Variants in NUDT10 observed in about 807,000 individuals in gnomAD.
NUDT10 encodes nudix hydrolase 10, also known as diphosphoinositol polyphosphate phosphohydrolase 3-alpha.
In NUDT10, 2 loss-of-function variants were observed where a neutral mutation model predicts 10.5. That is an observed-to-expected ratio of 0.19 (90% CI 0.08 to 0.60). NUDT10 has a LOEUF of 0.60. Among genes scored for constraint, NUDT10 ranks in the 20% least tolerant of loss-of-function variants. The probability of loss-of-function intolerance (pLI) is 0.89; values close to 1 mark genes in which losing one functional copy is unlikely to be tolerated. For missense variants in NUDT10, 75 were observed against 149.5 expected, an observed-to-expected ratio of 0.50 and a Z score of 2.60; for synonymous variants, 53 against 71.8, an observed-to-expected ratio of 0.74 and a Z score of 1.32.
upstream of NUDT10, among the ~76,000 whole-genome samples, chrX:51,332,525 GC>G (rs1922686603): frequency 8.9e-6 from 1 of 112,958 alleles, no homozygotes; most frequent in Non-Finnish European, 1.9e-5. Flanking sequence ...GGAGACCCCC[GC>G]CCCTGGCCCC....
chrX:51,333,392 C>G lies in NUDT10; in HGVS notation c.427C>G (p.Leu143Val). The change falls in exon 1 of 2, where the codon CTA (leucine) becomes GTA (valine). Residue 143 changes from leucine (L) to valine (V), a missense_variant. Physicochemically the swap from Leu to Val is conservative, Grantham distance 32. Coordinates refer to ENST00000356450, the MANE Select transcript of NUDT10 (RefSeq NM_001304963.2). ...CGTGCACGCCGAATATCTGGAGAAA[C>G]TAAAGCTGGGCGGTTCCCCAACCAA... Reference protein sequence around the residue: ...KPVHAEYLEKLKLGGSPTNGN... With the variant: ...KPVHAEYLEKVKLGGSPTNGN... 1 of 1,208,640 alleles carries G rather than the reference C, an allele frequency of 8.3e-7. No homozygotes were observed. Among genetic ancestry groups the G allele is most frequent in the Non-Finnish European group, 1.1e-6 (1 of 893,332 alleles).
At position 51,336,307 on chromosome X, in the gene NUDT10, A is replaced by G; in HGVS notation, c.*68A>G. 3 of 549,167 alleles carry G rather than the reference A, an allele frequency of 5.5e-6. No homozygotes were observed. The highest frequency in any genetic ancestry group is 1.0e-5 in the Non-Finnish European group (3 of 299,176). The allele number at this position is 549,167 out of a possible 1,213,427, so 45.3% of individuals were successfully genotyped here. On this transcript the variant is annotated 3_prime_UTR_variant, in exon 2 of 2. Coordinates refer to ENST00000356450, the MANE Select transcript of NUDT10 (RefSeq NM_001304963.2). ...AGTATGTGAATGGATGGATGAATGG[A>G]ATTGTGAAGCACAGATGAGCTCTTT...
At chrX:51,332,723 G>C, upstream of NUDT10, 1 of 408,530 alleles carries the variant, frequency 2.4e-6, no homozygotes, top group Non-Finnish European at 4.0e-6. Context: ...GCCGCCCATC[G>C]GACTGGCGGA....
chrX:51,333,541 A>C (rs1291902572), intron 1 of NUDT10, 82 bp downstream of exon 1: 9 of 1,132,709 alleles, frequency 7.9e-6, no homozygotes, highest in Non-Finnish European at 1.1e-5. Context: ...CTCTCGTACC[A>C]TGTGCGGTCT....
rs192332025 is a variant in NUDT10, at chrX:51,334,004, C to A, written c.494+545C>A. Among the ~76,000 whole-genome samples, 152 of 110,738 alleles carry A rather than the reference C, an allele frequency of 1.4e-3. 1 individual carries two copies. Among genetic ancestry groups the A allele is most frequent in the Non-Finnish European group, 2.2e-3 (118 of 52,923 alleles). Reference sequence around the variant, plus strand: ...GCGTTCGCCCTTGTTGTCAGGGAGGCCTTCTGTGGTGGGAGTTGGTTTAAA... The same window carrying A: ...GCGTTCGCCCTTGTTGTCAGGGAGGACTTCTGTGGTGGGAGTTGGTTTAAA... On this transcript the variant is annotated intron_variant, in intron 1 of 1. Coordinates refer to ENST00000356450, the MANE Select transcript of NUDT10 (RefSeq NM_001304963.2).
chrX:51,332,688 A>C, upstream of NUDT10: 1 of 360,168 alleles, frequency 2.8e-6, no homozygotes, highest in East Asian at 4.8e-5. Flanking sequence ...CGCCTCCTCC[A>C]CTCCGGCGGG....
chrX:51,335,404 C>T (rs1482765278), intron 1 of NUDT10, among the ~76,000 whole-genome samples: 3 of 109,915 alleles, frequency 2.7e-5, no homozygotes, highest in Non-Finnish European at 5.7e-5. Flanking sequence ...AATTTGAAGA[C>T]GACATGTTGG....
Position 51,333,095 on chromosome X carries a change from C to T in NUDT10, c.130C>T (p.Arg44Cys), listed in dbSNP as rs1922725248. The T allele has an allele frequency of 4.1e-6, 5 of 1,207,753 alleles. No homozygotes were observed. The highest frequency in any genetic ancestry group is 5.6e-6 in the Non-Finnish European group (5 of 894,203). The change falls in exon 1 of 2, where the codon CGC becomes TGC. Residue 44 changes from arginine (R) to cysteine (C), a missense_variant. Transcript: ENST00000356450. ...LLVSSSRYPDRWIVPGGGMEP... is the reference protein window; with the variant it reads ...LLVSSSRYPDCWIVPGGGMEP... ...AGTGAGTAGCAGCCGGTACCCGGAC[C>T]GCTGGATCGTGCCGGGCGGGGGCAT... is the stretch of plus-strand genomic sequence containing the variant.
chrX:51,334,553 A>G lies in NUDT10; in HGVS notation c.494+1094A>G, dbSNP rs782351465. Among the ~76,000 whole-genome samples, 3 of 112,322 alleles carry G rather than the reference A, an allele frequency of 2.7e-5. No homozygotes were observed. In the East Asian group the frequency reaches 8.5e-4, roughly 32 times the overall value. On this transcript the variant is annotated intron_variant, in intron 1 of 1. Transcript: ENST00000356450. ...ATGTTCAGCTGGTACAGAATTGTCA[A>G]ACTATTAGGATTCCTGAACAATCTC...
rs1402557592 is a variant in NUDT10, at chrX:51,336,535, C to CT, written c.*302dup. The CT allele has an allele frequency of 4.5e-6, 1 of 222,076 alleles. No homozygotes were observed. Among genetic ancestry groups the CT allele is most frequent in the Non-Finnish European group, 8.0e-6 (1 of 125,142 alleles). The allele number at this position is 222,076 out of a possible 1,213,427, so 18.3% of individuals were successfully genotyped here. On this transcript the variant is annotated 3_prime_UTR_variant, in exon 2 of 2. Coordinates refer to ENST00000356450, the MANE Select transcript of NUDT10 (RefSeq NM_001304963.2). ...AATGCCAGGAACTTGTTTCCTTAGTCTTTTTTATATATCTAGCATATAAGA... is the reference window on the plus strand; with the variant it reads ...AATGCCAGGAACTTGTTTCCTTAGTCTTTTTTTATATATCTAGCATATAAGA...
upstream of NUDT10, among the ~76,000 whole-genome samples, chrX:51,332,648 T>C (rs1291150787): frequency 1.8e-5 from 2 of 112,950 alleles, no homozygotes; most frequent in African/African-American, 6.4e-5. Context: ...GGGTGGGCTC[T>C]GTGGAGAGTC....
chrX:51,332,353 T>C (rs1602069924), upstream of NUDT10: 1 of 113,151 alleles, frequency 8.8e-6, no homozygotes, highest in East Asian at 2.8e-4. Flanking sequence ...AGGAGAAACG[T>C]CCTGCCGTGC....
upstream of NUDT10, chrX:51,332,805 T>A: frequency 1.2e-6 from 1 of 843,165 alleles, no homozygotes; most frequent in Non-Finnish European, 1.6e-6. Flanking sequence ...CTCCCTCCGC[T>A]CCCCGGGCTC....
intron 1 of NUDT10, among the ~76,000 whole-genome samples, chrX:51,335,790 A>G (rs1557312690): frequency 8.9e-6 from 1 of 112,261 alleles, no homozygotes; most frequent in East Asian, 2.8e-4. Context: ...ACAGCTGGCC[A>G]GAGTTTTATT....
At chrX:51,336,183 G>C in intron 1 of NUDT10, 56 bp from the exon 2 acceptor site, 1 of 548,157 alleles carries the variant, frequency 1.8e-6, no homozygotes, top group Non-Finnish European at 3.3e-6. Context: ...AGTATTTGTT[G>C]ATTAGAGGAA....
At chrX:51,332,707 C>T (rs1440512859), upstream of NUDT10, 2 of 386,775 alleles carry the variant, frequency 5.2e-6, no homozygotes, top group East Asian at 4.5e-5. Flanking sequence ...GGCCCGGGTT[C>T]GGCCGGCCGC....
chrX:51,336,125 G>C (rs1345582021), intron 1 of NUDT10, 114 bp from the exon 2 acceptor site: 18 of 456,778 alleles, frequency 3.9e-5, no homozygotes, highest in Admixed American at 1.0e-4. Context: ...ATTCACTGAA[G>C]GCTTTTCCAA....
rs1922863850 is a variant in NUDT10 at position 51,337,167 on chromosome X, A to C, written c.*928A>C. The stretch of plus-strand genomic sequence containing the variant: ...TTAAGAGACATATTAACCAATTGTT[A>C]ATTGGATCTTATTTGAATTGTGATT... On this transcript the variant is annotated 3_prime_UTR_variant, in exon 2 of 2. Coordinates refer to ENST00000356450, the MANE Select transcript of NUDT10 (RefSeq NM_001304963.2). 8.9e-6 allele frequency: 1 copy of C among 112,193 alleles called. No individual in the cohort carries two copies. Among genetic ancestry groups the C allele is most frequent in the African/African-American group, 3.2e-5 (1 of 30,889 alleles). 9.2% of individuals were successfully genotyped at this position (112,193 alleles called of 1,213,427 possible). A position where few individuals can be genotyped will look rare whatever the true frequency, so the allele number is the denominator to read the frequency against.
chrX:51,332,934 G>A lies in NUDT10; in HGVS notation c.-32G>A, dbSNP rs1252696606. 1.4e-5 allele frequency: 17 copies of A among 1,207,451 alleles called. No homozygotes were observed. Among genetic ancestry groups the A allele is most frequent in the Non-Finnish European group, 1.9e-5 (17 of 892,930 alleles). On this transcript the variant is annotated 5_prime_UTR_variant, in exon 1 of 2. Transcript: ENST00000356450. ...AGCAGCTGCGTCGGCGGCCCACACAGCAGCGAGAGGCGAGAGGAGGCTGCC... is the reference window on the plus strand; with the variant it reads ...AGCAGCTGCGTCGGCGGCCCACACAACAGCGAGAGGCGAGAGGAGGCTGCC...
Sources: allele counts gnomAD v4.1 joint callset (sites outside exome capture counted in the v4.1 genomes callset), GRCh38; gene constraint gnomAD v4.1.1; transcripts MANE v1.5; gene names NCBI Gene and HGNC (gene_info 2026-07-23, HGNC 2026-07-21).